Variants in CALN1 observed in about 807,000 individuals in gnomAD.
CALN1 encodes calcium-binding protein 8.
In CALN1, 17 loss-of-function variants were observed where a neutral mutation model predicts 30.6. The ratio of observed to expected loss-of-function variants is 0.56; its 90% CI spans 0.38 to 0.83. The LOEUF is 0.83. Ranked by LOEUF, CALN1 falls within the 40% of genes least tolerant of loss-of-function variation. The pLI is 0.00. For missense variants in CALN1, 291 were observed against 354.9 expected (o/e 0.82, Z 1.45); for synonymous variants, 156 against 131.4 (o/e 1.19, Z -1.28).
intron 5 of CALN1, among the ~76,000 whole-genome samples, chr7:71,842,985 C>A (rs1292870732): frequency 6.6e-6 from 1 of 152,154 alleles, no homozygotes; most frequent in Admixed American, 6.6e-5. Context: ...TCCTAGACCT[C>A]CAGCATTCCA....
At chr7:72,194,541 A>AAAACAG (rs1342063306) in intron 3 of CALN1, among the ~76,000 whole-genome samples, 2 of 151,996 alleles carry the variant, frequency 1.3e-5, no homozygotes, top group Admixed American at 6.6e-5. Context: ...AACAAAAACA[A>AAAACAG]AAACAGAAAC....
At chr7:72,239,102 A>C (rs1181659596) in intron 3 of CALN1, among the ~76,000 whole-genome samples, 1 of 152,136 alleles carries the variant, frequency 6.6e-6, no homozygotes, top group Admixed American at 6.5e-5. Flanking sequence ...TTTCTATTCA[A>C]ATATTCTGTG....
intron 3 of CALN1, among the ~76,000 whole-genome samples, chr7:72,168,060 T>C (rs1788653502): frequency 1.3e-5 from 2 of 152,218 alleles, no homozygotes; most frequent in African/African-American, 2.4e-5. Context: ...GCCAAATTTA[T>C]GCAATCTATG....
chr7:72,144,383 T>C (rs920975065), intron 3 of CALN1, among the ~76,000 whole-genome samples: 4 of 152,150 alleles, frequency 2.6e-5, no homozygotes, highest in African/African-American at 7.2e-5. Flanking sequence ...AAGAAGGCCA[T>C]TACATAATGG....
intron 4 of CALN1, among the ~76,000 whole-genome samples, chr7:72,075,156 G>A (rs750663579): frequency 6.6e-6 from 1 of 152,196 alleles, no homozygotes; most frequent in Non-Finnish European, 1.5e-5. Context: ...CTCTAAGTCA[G>A]GGGACGGTCA....
intron 5 of CALN1, among the ~76,000 whole-genome samples, chr7:71,888,478 GCAAAAAAA>G (rs1164714196): frequency 8.0e-6 from 1 of 125,206 alleles, no homozygotes; most frequent in Non-Finnish European, 1.7e-5. Context: ...AAAAAAAAAA[GCAAAAAAA>G]CAAAAAAACA....
intron 5 of CALN1, among the ~76,000 whole-genome samples, chr7:71,991,488 T>A (rs1798950587): frequency 6.7e-6 from 1 of 150,124 alleles, no homozygotes; most frequent in Non-Finnish European, 1.5e-5. Flanking sequence ...AGCAGAAAAC[T>A]GCACTGGATG....
intron 5 of CALN1, among the ~76,000 whole-genome samples, chr7:71,993,272 C>A (rs989621434): frequency 2.0e-5 from 3 of 152,090 alleles, no homozygotes; most frequent in Non-Finnish European, 4.4e-5. Context: ...GTATTTAAGT[C>A]ATTGTCAAGT....
chr7:72,451,882 T>G (rs191839612), upstream of CALN1, among the ~76,000 whole-genome samples: 1 of 152,140 alleles, frequency 6.6e-6, no homozygotes, highest in African/African-American at 2.4e-5. Context: ...GAAACTCTAT[T>G]TTGGGGCTGG....
rs981274079 is a variant in CALN1, at chr7:72,140,402, G to T, written c.245-34108C>A. Among the ~76,000 whole-genome samples, 22 of 150,782 alleles carry T rather than the reference G, an allele frequency of 1.5e-4. 1 individual carries two copies. The highest frequency in any genetic ancestry group is 4.9e-4 in the African/African-American group (20 of 41,138). On this transcript the variant is annotated intron_variant, in intron 3 of 6. Coordinates refer to ENST00000395275, the MANE Select transcript of CALN1 (RefSeq NM_031468.4). ...AGGGAGGATGGAAGAAGCGAATGAA[G>T]GAAGCAAGCAGCCAGAACCAGAGTC...
At chr7:72,132,894 C>A (rs550376116) in intron 3 of CALN1, among the ~76,000 whole-genome samples, 2 of 152,064 alleles carry the variant, frequency 1.3e-5, no homozygotes, top group African/African-American at 2.4e-5. Flanking sequence ...GAGCAGCGGG[C>A]GAGTGAACAT....
the CALN1 span, among the ~76,000 whole-genome samples, chr7:72,494,875 T>TAAG: frequency 6.6e-6 from 1 of 151,578 alleles, no homozygotes; most frequent in Non-Finnish European, 1.5e-5. Flanking sequence ...TCAAAAATAA[T>TAAG]AATAATAATA....
chr7:72,362,863 CAT>C, intron 2 of CALN1, among the ~76,000 whole-genome samples: 1 of 152,326 alleles, frequency 6.6e-6, no homozygotes, highest in South Asian at 2.1e-4. Context: ...AGCTCATATA[CAT>C]TTACCATATT....
chr7:72,321,366 C>T (rs1281562375), intron 2 of CALN1, among the ~76,000 whole-genome samples: 6 of 152,152 alleles, frequency 3.9e-5, no homozygotes, highest in Non-Finnish European at 7.3e-5. Context: ...GAGCACATCA[C>T]GGCTGGGTGA....
chr7:72,391,813 G>A (rs1046229208), intron 2 of CALN1, among the ~76,000 whole-genome samples: 6 of 151,954 alleles, frequency 3.9e-5, no homozygotes, highest in African/African-American at 1.5e-4. Context: ...TGGAACTGTG[G>A]GTCCATGAAC....
intron 3 of CALN1, among the ~76,000 whole-genome samples, chr7:72,242,315 ATC>A (rs1480401669): frequency 2.0e-5 from 3 of 152,082 alleles, no homozygotes; most frequent in Non-Finnish European, 4.4e-5. Context: ...ATGTGCACAT[ATC>A]TGTTTGAGTC....
At chr7:72,075,347 C>A (rs1804658760) in intron 4 of CALN1, among the ~76,000 whole-genome samples, 1 of 152,190 alleles carries the variant, frequency 6.6e-6, no homozygotes, top group Non-Finnish European at 1.5e-5. Context: ...GTCAAGTTGA[C>A]ACATAAGATT....
At position 72,101,010 on chromosome 7, in the gene CALN1, C is replaced by T. The variant is rs201483823; in HGVS notation, c.388+5141G>A. Among the ~76,000 whole-genome samples the T allele has an allele frequency of 4.6e-5, 7 of 151,772 alleles. No individual in the cohort carries two copies. The East Asian group carries it at 1.2e-3, about 26-fold the overall frequency. On this transcript the variant is annotated intron_variant, in intron 4 of 6. Transcript: ENST00000395275. ...ACGGAGTCTTGCTTTGTCACCCAGG[C>T]TGGAGTGCAGTGGCGTGATCTCAGC...
chr7:71,924,721 A>C (rs1249588707), intron 5 of CALN1, among the ~76,000 whole-genome samples: 1 of 152,144 alleles, frequency 6.6e-6, no homozygotes, highest in Non-Finnish European at 1.5e-5. Flanking sequence ...TCTTCAAATA[A>C]TACAATGCTC....
Sources: allele counts gnomAD v4.1 joint callset (sites outside exome capture counted in the v4.1 genomes callset), GRCh38; gene constraint gnomAD v4.1.1; transcripts MANE v1.5; gene names NCBI Gene and HGNC (gene_info 2026-07-23, HGNC 2026-07-21).